MAPK4: variants seen among roughly 807,000 people sequenced by gnomAD.
The protein encoded by MAPK4 is mitogen-activated protein kinase 4, also known as Erk3-related.
In MAPK4, 22 loss-of-function variants were observed where a neutral mutation model predicts 47.7. The ratio of observed to expected loss-of-function variants is 0.46; its 90% CI spans 0.33 to 0.66. The LOEUF (loss-of-function observed/expected upper bound fraction) is 0.66, where lower values mean the gene tolerates loss of function less well. MAPK4 is among the 30% of genes least tolerant of loss of function. MAPK4 has a pLI of 0.02. For missense variants in MAPK4, 736 were observed against 831.7 expected, an observed-to-expected ratio of 0.88 and a Z score of 1.42; for synonymous variants, 390 against 365.7, an observed-to-expected ratio of 1.07 and a Z score of -0.76.
intron 2 of MAPK4, among the ~76,000 whole-genome samples, chr18:50,711,840 T>G (rs1006941156): frequency 2.1e-5 from 3 of 143,096 alleles, no homozygotes; most frequent in Admixed American, 6.9e-5. Context: ...TTTTTTTTTT[T>G]GTAGAAAATT....
intron 2 of MAPK4, among the ~76,000 whole-genome samples, chr18:50,701,271 C>A (rs1333615662): frequency 6.6e-6 from 1 of 151,904 alleles, no homozygotes; most frequent in African/African-American, 2.4e-5. Context: ...AACTTAACCC[C>A]AAGGCCTCTC....
chr18:50,655,104 C>T (rs986864318), intron 1 of MAPK4, among the ~76,000 whole-genome samples: 4 of 152,152 alleles, frequency 2.6e-5, no homozygotes, highest in Non-Finnish European at 1.5e-5. Flanking sequence ...AGCAGTGTCC[C>T]CACAGGCGTG....
At chr18:50,685,965 C>T (rs1221127731) in intron 2 of MAPK4, among the ~76,000 whole-genome samples, 2 of 152,024 alleles carry the variant, frequency 1.3e-5, no homozygotes, top group Non-Finnish European at 2.9e-5. Context: ...CCACGGTTCT[C>T]AGACACACAA....
At chr18:50,640,040 C>T (rs2042924962) in intron 1 of MAPK4, among the ~76,000 whole-genome samples, 1 of 152,166 alleles carries the variant, frequency 6.6e-6, no homozygotes, top group Admixed American at 6.5e-5. Flanking sequence ...TACAAGGGAA[C>T]ATTAGAGCAA....
At chr18:50,609,875 G>A (rs1291937071) in intron 1 of MAPK4, among the ~76,000 whole-genome samples, 1 of 152,130 alleles carries the variant, frequency 6.6e-6, no homozygotes, top group African/African-American at 2.4e-5. Flanking sequence ...AAGATCTTGG[G>A]TCATGAAGCC....
intron 2 of MAPK4, among the ~76,000 whole-genome samples, chr18:50,704,064 C>A (rs1227264128): frequency 6.6e-6 from 1 of 152,104 alleles, no homozygotes; most frequent in Non-Finnish European, 1.5e-5. Flanking sequence ...CCAGGCAGAC[C>A]TTGTGACAGA....
chr18:50,703,182 C>T (rs1909879621), intron 2 of MAPK4, among the ~76,000 whole-genome samples: 1 of 152,176 alleles, frequency 6.6e-6, no homozygotes, highest in Non-Finnish European at 1.5e-5. Context: ...CCTCCCCATG[C>T]TCACTCCCCT....
intron 4 of MAPK4, among the ~76,000 whole-genome samples, chr18:50,723,556 G>A (rs1911038365): frequency 6.6e-6 from 1 of 152,196 alleles, no homozygotes; most frequent in African/African-American, 2.4e-5. Context: ...GGGGATTTAA[G>A]TTTGATAAAA....
At chr18:50,650,206 G>A (rs2043033242) in intron 1 of MAPK4, among the ~76,000 whole-genome samples, 1 of 152,300 alleles carries the variant, frequency 6.6e-6, no homozygotes, top group South Asian at 2.1e-4. Context: ...AGAATACTCC[G>A]TCTCTGTGTC....
chr18:50,731,608 TAAGAAA>T lies in MAPK4; in HGVS notation c.*1761_*1766del, dbSNP rs1911567234. 6.6e-6 allele frequency: 1 copy of T among 152,378 alleles called. No homozygotes were observed. The highest frequency in any genetic ancestry group is 1.5e-5 in the Non-Finnish European group (1 of 68,036). 9.4% of individuals were successfully genotyped at this position (152,378 alleles called of 1,614,324 possible). ...AAGTGTTTGGGTTTTGTTTTTTCTT[TAAGAAA>T]AAGAAATGTACACCACTCCTCATGT... On this transcript the variant is annotated 3_prime_UTR_variant, in exon 6 of 6. Transcript: ENST00000400384.
intron 3 of MAPK4, among the ~76,000 whole-genome samples, chr18:50,716,263 G>A (rs1263868945): frequency 2.0e-5 from 3 of 152,046 alleles, no homozygotes; most frequent in Non-Finnish European, 4.4e-5. Context: ...TCTTAATCCA[G>A]GGAACCCATT....
chr18:50,698,435 A>C (rs1380764615), intron 2 of MAPK4, among the ~76,000 whole-genome samples: 2 of 152,204 alleles, frequency 1.3e-5, no homozygotes, highest in African/African-American at 4.8e-5. Context: ...AGTTCTTAGC[A>C]AAATATATCA....
chr18:50,598,566 A>G (rs921299008), intron 1 of MAPK4, among the ~76,000 whole-genome samples: 1 of 152,232 alleles, frequency 6.6e-6, no homozygotes, highest in Non-Finnish European at 1.5e-5. Context: ...GTTTATGGAT[A>G]GCTTTGGTTT....
At chr18:50,599,452 G>A (rs934979844) in intron 1 of MAPK4, among the ~76,000 whole-genome samples, 3 of 152,066 alleles carry the variant, frequency 2.0e-5, no homozygotes, top group East Asian at 1.9e-4. Flanking sequence ...ACGGAGTCCC[G>A]CTGTCGCCCA....
chr18:50,595,351 A>G (rs970230917), intron 1 of MAPK4, among the ~76,000 whole-genome samples: 9 of 152,228 alleles, frequency 5.9e-5, no homozygotes, highest in Admixed American at 3.3e-4. Flanking sequence ...GAAAAATGGA[A>G]TAATACTCAG....
intron 2 of MAPK4, among the ~76,000 whole-genome samples, chr18:50,707,413 T>A (rs1410000355): frequency 6.6e-6 from 1 of 151,632 alleles, no homozygotes; most frequent in Non-Finnish European, 1.5e-5. Flanking sequence ...CTACAAAAAA[T>A]ACAAAAATTA....
At chr18:50,579,147 C>T (rs1271932423) in intron 1 of MAPK4, among the ~76,000 whole-genome samples, 1 of 152,056 alleles carries the variant, frequency 6.6e-6, no homozygotes, top group African/African-American at 2.4e-5. Context: ...GGATGGTGAT[C>T]AGATTTGCCT....
intron 1 of MAPK4, among the ~76,000 whole-genome samples, chr18:50,641,218 A>T (rs1309907903): frequency 6.6e-6 from 1 of 152,170 alleles, no homozygotes; most frequent in African/African-American, 2.4e-5. Context: ...ATATAAAAAG[A>T]GGGCTGGACG....
chr18:50,664,687 G>A lies in MAPK4; in HGVS notation c.546+183G>A, dbSNP rs1369842017. Reference sequence around the variant, plus strand: ...TTGTTGGAGGCGTGGAGGGAGATCTGGTTCTTGGTCTTGGCTCTGCTATGT... The same window carrying A: ...TTGTTGGAGGCGTGGAGGGAGATCTAGTTCTTGGTCTTGGCTCTGCTATGT... On this transcript the variant is annotated intron_variant, in intron 2 of 5. Coordinates refer to ENST00000400384, the MANE Select transcript of MAPK4 (RefSeq NM_002747.4). The surrounding 1 kb of genome is among the most constrained non-coding windows in gnomAD (Gnocchi z 6.0). Among the ~76,000 whole-genome samples, 1 of 152,180 alleles carries A rather than the reference G, an allele frequency of 6.6e-6. No individual in the cohort carries two copies. Among genetic ancestry groups the A allele is most frequent in the Non-Finnish European group, 1.5e-5 (1 of 68,028 alleles).
Sources: allele counts gnomAD v4.1 joint callset (sites outside exome capture counted in the v4.1 genomes callset), GRCh38; gene constraint gnomAD v4.1.1; non-coding constraint Gnocchi (gnomAD v3.1); transcripts MANE v1.5; gene names NCBI Gene and HGNC (gene_info 2026-07-23, HGNC 2026-07-21).